ZNF713: variants seen among roughly 807,000 people sequenced by gnomAD.
The protein encoded by ZNF713 is zinc finger protein 713.
ZNF713 carries 21 observed loss-of-function variants against 28.7 expected under a neutral mutation model. The ratio of observed to expected loss-of-function variants is 0.73; its 90% CI spans 0.52 to 1.05. The LOEUF (loss-of-function observed/expected upper bound fraction) is 1.05, where lower values mean the gene tolerates loss of function less well. ZNF713 is among the 50% of genes least tolerant of loss of function. The pLI is 0.00. For missense variants in ZNF713, 458 were observed against 532.4 expected (o/e 0.86, Z 1.37); for synonymous variants, 167 against 178.0 (o/e 0.94, Z 0.49).
chr7:55,919,490 G>GTTTTTTTTGTTTTTTTTTTGTT (rs1785945405), intron 4 of ZNF713, among the ~76,000 whole-genome samples: 2 of 66,762 alleles, frequency 3.0e-5, no homozygotes, highest in Non-Finnish European at 3.1e-5. Flanking sequence ...AAACACTCCA[G>GTTTTTTTTGTTTTTTTTTTGTT]TTTTTTTTTT....
At chr7:55,913,195 CTTTTTT>C (rs66851959) in intron 4 of ZNF713, among the ~76,000 whole-genome samples, 3 of 88,134 alleles carry the variant, frequency 3.4e-5, no homozygotes, top group African/African-American at 4.8e-5. Context: ...GTTTTGATTC[CTTTTTT>C]TTTTTTTTTT....
chr7:55,937,925 CG>C (rs1397390941), intron 6 of ZNF713, among the ~76,000 whole-genome samples: 1 of 149,836 alleles, frequency 6.7e-6, no homozygotes, highest in African/African-American at 2.5e-5. Context: ...ATTAAGAGGC[CG>C]GGCACGGTGG....
intron 1 of ZNF713, among the ~76,000 whole-genome samples, chr7:55,897,717 C>T (rs1036088117): frequency 2.6e-5 from 4 of 151,982 alleles, no homozygotes; most frequent in South Asian, 2.1e-4. Flanking sequence ...TAAATATTAC[C>T]GTCAATGAAA....
rs1202454953 is a variant in ZNF713, at chr7:55,939,064, GGA to G, written c.395_396del (p.Arg132ThrfsTer18). The G allele has an allele frequency of 6.2e-7, 1 of 1,613,784 alleles. No homozygotes were observed. Among genetic ancestry groups the G allele is most frequent in the African/African-American group, 1.3e-5 (1 of 74,902 alleles). On this transcript the variant is annotated frameshift_variant, in exon 7 of 7. Coordinates refer to ENST00000429591, the MANE Select transcript of ZNF713 (RefSeq NM_182633.3). LOFTEE classifies it high-confidence loss of function. ...DENQTHEMIM[E>X]RLAGDSFWYS... ...AAAATCAAACCCATGAGATGATAATGGAGAGACTCGCAGGAGACAGCTTCTGG... is the reference window on the plus strand; with the variant it reads ...AAAATCAAACCCATGAGATGATAATGGAGACTCGCAGGAGACAGCTTCTGG...
intron 4 of ZNF713, among the ~76,000 whole-genome samples, chr7:55,922,567 GC>G (rs1786013118): frequency 6.6e-6 from 1 of 150,442 alleles, no homozygotes; most frequent in Admixed American, 6.6e-5. Context: ...AGTTGCCACA[GC>G]CACCCCAACC....
At chr7:55,938,954 GTATT>G (rs544050091) in intron 6 of ZNF713, 24 bp from the exon 7 acceptor site, 51 of 1,542,654 alleles carry the variant, frequency 3.3e-5, no homozygotes, top group Non-Finnish European at 3.8e-5. Flanking sequence ...ATATTGGAAA[GTATT>G]TGTATGTTCT....
At chr7:55,916,301 A>C (rs1785880099) in intron 4 of ZNF713, among the ~76,000 whole-genome samples, 1 of 152,182 alleles carries the variant, frequency 6.6e-6, no homozygotes, top group South Asian at 2.1e-4. Context: ...TCCTGGCCTC[A>C]TTCTTCTTCC....
intron 6 of ZNF713, among the ~76,000 whole-genome samples, chr7:55,936,264 C>CAAA (rs5884432): frequency 0.28 from 36,761 of 130,254 alleles, 5,597 homozygotes; most frequent in Middle Eastern, 0.4. Context: ...GACTCTGTCC[C>CAAA]AAAAAAAAAA....
intron 1 of ZNF713, among the ~76,000 whole-genome samples, chr7:55,905,605 C>G (rs969079942): frequency 1.4e-4 from 21 of 152,008 alleles, no homozygotes; most frequent in African/African-American, 5.1e-4. Flanking sequence ...CTGAGCTGTT[C>G]TGCACCCTGG....
Position 55,941,769 on chromosome 7 carries a change from C to T in ZNF713, c.*1763C>T, listed in dbSNP as rs1786475656. 6.6e-6 allele frequency: 1 copy of T among 151,814 alleles called. No individual in the cohort carries two copies. The highest frequency in any genetic ancestry group is 2.4e-5 in the African/African-American group (1 of 41,348). The allele number at this position is 151,814 out of a possible 1,614,324, so 9.4% of individuals were successfully genotyped here. On this transcript the variant is annotated 3_prime_UTR_variant, in exon 7 of 7. Transcript: ENST00000429591. ...AAATTAAAAATATTCGTTGATGTCC[C>T]CCCAAAAATCTTGTGTGCCGTTGTT...
rs1786479152 is a variant in ZNF713 at position 55,942,019 on chromosome 7, A to C, written c.*2013A>C. 6.6e-6 allele frequency: 1 copy of C among 152,016 alleles called. No homozygotes were observed. Among genetic ancestry groups the C allele is most frequent in the African/African-American group, 2.4e-5 (1 of 41,378 alleles). The allele number at this position is 152,016 out of a possible 1,614,324, so 9.4% of individuals were successfully genotyped here. ...GCAAGTCTAGATTTTTTTTCAGTTA[A>C]AATTATTTCTGCTGTATTTGTAGAA... is the stretch of plus-strand genomic sequence containing the variant. On this transcript the variant is annotated 3_prime_UTR_variant, in exon 7 of 7. Transcript: ENST00000429591.
At chr7:55,896,382 C>T (rs146286355) in intron 1 of ZNF713, among the ~76,000 whole-genome samples, 1 of 152,176 alleles carries the variant, frequency 6.6e-6, no homozygotes, top group East Asian at 1.9e-4. Context: ...TTGTGTTTCT[C>T]ACAAGGGTAT....
chr7:55,919,945 G>C (rs1785963394), intron 4 of ZNF713, among the ~76,000 whole-genome samples: 1 of 151,994 alleles, frequency 6.6e-6, no homozygotes, highest in African/African-American at 2.4e-5. Context: ...TACATGCTAT[G>C]AACAGCACTC....
intron 1 of ZNF713, among the ~76,000 whole-genome samples, chr7:55,888,356 G>A (rs1410208986): frequency 2.6e-5 from 4 of 152,082 alleles, no homozygotes; most frequent in Non-Finnish European, 4.4e-5. Context: ...TTTTGCAGGC[G>A]TGTGTATGCT....
chr7:55,933,002 T>C (rs1562748749), intron 6 of ZNF713, among the ~76,000 whole-genome samples: 1 of 150,034 alleles, frequency 6.7e-6, no homozygotes, highest in Non-Finnish European at 1.5e-5. Context: ...CTTTGGGAGG[T>C]TGAGGAGGGC....
intron 3 of ZNF713, 55 bp from the exon 4 acceptor site, chr7:55,912,580 G>GT: frequency 7.6e-7 from 1 of 1,307,536 alleles, no homozygotes; most frequent in Admixed American, 2.0e-5. Context: ...GAATCTCCAG[G>GT]ATTTAAATTT....
rs1786474148 is a variant in ZNF713, at chr7:55,941,693, T to C, written c.*1687T>C. 1 of 152,158 alleles carries C rather than the reference T, an allele frequency of 6.6e-6. No individual in the cohort carries two copies. Among genetic ancestry groups the C allele is most frequent in the South Asian group, 2.1e-4 (1 of 4,832 alleles). 9.4% of individuals were successfully genotyped at this position (152,158 alleles called of 1,614,324 possible). A position where few individuals can be genotyped will look rare whatever the true frequency, so the allele number is the denominator to read the frequency against. On this transcript the variant is annotated 3_prime_UTR_variant, in exon 7 of 7. Coordinates refer to ENST00000429591, the MANE Select transcript of ZNF713 (RefSeq NM_182633.3). ...TAAAATAAGTTATATGCTAGTTTTA[T>C]ATGCTAATTAAATTTATTCTACTCT...
chr7:55,894,895 T>G (rs1785445944), intron 1 of ZNF713, among the ~76,000 whole-genome samples: 1 of 152,300 alleles, frequency 6.6e-6, no homozygotes, highest in Non-Finnish European at 1.5e-5. Context: ...GAAAAGAAAA[T>G]TATACATTTA....
chr7:55,910,936 C>T (rs1365426001), intron 2 of ZNF713, among the ~76,000 whole-genome samples: 1 of 152,212 alleles, frequency 6.6e-6, no homozygotes, highest in Non-Finnish European at 1.5e-5. Context: ...CTCTAGTTGC[C>T]CATCTTGGGG....
Sources: allele counts gnomAD v4.1 joint callset (sites outside exome capture counted in the v4.1 genomes callset), GRCh38; gene constraint gnomAD v4.1.1; transcripts MANE v1.5; gene names NCBI Gene and HGNC (gene_info 2026-07-23, HGNC 2026-07-21).